The following QTRT2 variants were observed in gnomAD, a reference collection of about 807,000 sequenced individuals.
The protein encoded by QTRT2 is queuine tRNA-ribosyltransferase accessory subunit 2, also known as queuine tRNA-ribosyltransferase domain containing 1.
A neutral mutation model predicts 44.8 loss-of-function variants in QTRT2; 32 were observed. The observed-to-expected ratio is 0.71, with a 90% CI of 0.54 to 0.96. The LOEUF is 0.96. QTRT2 is among the 40% of genes least tolerant of loss of function. The pLI is 0.00. For synonymous variants in QTRT2, 182 were observed against 187.4 expected (o/e 0.97, Z 0.24); for missense variants, 461 against 503.1 (o/e 0.92, Z 0.80).
At chr3:114,068,287 C>G (rs2076980622) in intron 5 of QTRT2, 1 of 394,122 alleles carries the variant, frequency 2.5e-6, no homozygotes, top group Non-Finnish European at 4.7e-6. Flanking sequence ...TTCATTGTTG[C>G]AAAAAAATTT....
chr3:114,083,065 G>T (rs2077187661), intron 9 of QTRT2: 1 of 404,360 alleles, frequency 2.5e-6, no homozygotes, highest in Non-Finnish European at 4.6e-6. Flanking sequence ...TTGGCGTCTT[G>T]TATTCCTTTA....
chr3:114,066,174 G>A, intron 3 of QTRT2, 54 bp from the exon 4 acceptor site: 4 of 1,293,034 alleles, frequency 3.1e-6, no homozygotes, highest in Admixed American at 1.7e-5. Context: ...GTTGTACAGA[G>A]TATTTACAGA....
intron 8 of QTRT2, 101 bp downstream of exon 8, chr3:114,080,158 T>A (rs2077149224): frequency 1.1e-6 from 1 of 943,768 alleles, no homozygotes. Context: ...ATAAAGCCAG[T>A]CTTTTACAAA....
intron 2 of QTRT2, among the ~76,000 whole-genome samples, chr3:114,059,464 G>T (rs1473182998): frequency 6.6e-6 from 1 of 152,214 alleles, no homozygotes; most frequent in African/African-American, 2.4e-5. Flanking sequence ...ATGTGTATGT[G>T]TGTGTACTAT....
In QTRT2 at chr3:114,066,246, C is replaced by A; in HGVS notation, c.219C>A (p.Val73=). ...CTTACAGAGCAGAACATCATGAAGT[C>A]TTGACAGAATATAAAGAAGGAGTTG... ...TLSSLAEHHE[V]LTEYKEGVGK... Residue 73 remains valine (V), a synonymous_variant, in exon 4 of 10, where the codon GTC becomes GTA. Transcript: ENST00000281273. 6.2e-7 allele frequency: 1 copy of A among 1,605,398 alleles called. No individual in the cohort carries two copies. Among genetic ancestry groups the A allele is most frequent in the South Asian group, 1.1e-5 (1 of 90,876 alleles).
At position 114,066,304 on chromosome 3, in the gene QTRT2, A is replaced by G. The variant is rs551428219; in HGVS notation, c.256+21A>G. ...TATAGGTAAAAATTAAGTTACTTAT[A>G]TGTGCCTTGTGATGTGTTAATTTGG... On this transcript the variant is annotated intron_variant, in intron 4 of 9. Transcript: ENST00000281273. 1.9e-5 allele frequency: 22 copies of G among 1,131,670 alleles called. No homozygotes were observed. In the South Asian group the frequency reaches 3.0e-4, roughly 15 times the overall value. 70.1% of individuals were successfully genotyped at this position (1,131,670 alleles called of 1,614,324 possible).
intron 2 of QTRT2, among the ~76,000 whole-genome samples, chr3:114,060,380 GTTGT>G (rs2076864376): frequency 6.6e-6 from 1 of 152,136 alleles, no homozygotes; most frequent in Non-Finnish European, 1.5e-5. Flanking sequence ...TCTGAGATTG[GTTGT>G]TTGGTCATCT....
intron 2 of QTRT2, among the ~76,000 whole-genome samples, chr3:114,057,745 GTATAA>G (rs1178078701): frequency 6.6e-6 from 1 of 152,146 alleles, no homozygotes; most frequent in Non-Finnish European, 1.5e-5. Context: ...ATATATTATA[GTATAA>G]TATGTTTCCA....
chr3:114,085,596 C>A (rs892655307), intron 9 of QTRT2, 77 bp from the exon 10 acceptor site: 1 of 1,221,424 alleles, frequency 8.2e-7, no homozygotes, highest in Non-Finnish European at 1.2e-6. Context: ...GTAACTTTAC[C>A]AGCAGAATAG....
In QTRT2 at chr3:114,076,929, G is replaced by C; in HGVS notation, c.733G>C (p.Glu245Gln). The C allele has an allele frequency of 1.2e-6, 2 of 1,614,080 alleles. No individual in the cohort carries two copies. The highest frequency in any genetic ancestry group is 2.2e-5 in the South Asian group (2 of 91,084). Residue 245 changes from glutamate to glutamine, a missense_variant, in exon 7 of 10, where the codon GAG becomes CAG. Glu to Gln is a conservative substitution (Grantham distance 29, BLOSUM62 2). Transcript: ENST00000281273. Reference protein sequence around the residue: ...LLSSVTAELPEDKPRLISGVS... With the variant: ...LLSSVTAELPQDKPRLISGVS... ...GTCATCAGTCACTGCAGAGCTGCCG[G>C]AGGACAAGCCAAGGCCAGTGTTCGG...
intron 2 of QTRT2, among the ~76,000 whole-genome samples, chr3:114,060,496 GTAGATAGATAGATAGATAGATAGATAGA>G (rs71146305): frequency 2.8e-5 from 4 of 144,450 alleles, no homozygotes; most frequent in Non-Finnish European, 6.0e-5. Flanking sequence ...AGGTAGGTAG[GTAGATAGATAGATAGATAGATAGATAGA>G]TAGATAGATA....
intron 6 of QTRT2, among the ~76,000 whole-genome samples, chr3:114,075,254 C>A (rs921214833): frequency 6.6e-6 from 1 of 152,092 alleles, no homozygotes; most frequent in Admixed American, 6.5e-5. Context: ...AATGGTATCT[C>A]GTTGTTTCCA....
chr3:114,081,029 T>C (rs1236187981), intron 8 of QTRT2, among the ~76,000 whole-genome samples: 1 of 152,150 alleles, frequency 6.6e-6, no homozygotes, highest in African/African-American at 2.4e-5. Flanking sequence ...CACTATAAAT[T>C]TTCACATCTT....
At position 114,070,746 on chromosome 3, in the gene QTRT2, A is replaced by G; in HGVS notation, c.454A>G (p.Lys152Glu). 2 of 1,614,042 alleles carry G rather than the reference A, an allele frequency of 1.2e-6. No individual in the cohort carries two copies. Among genetic ancestry groups the G allele is most frequent in the South Asian group, 1.1e-5 (1 of 91,086 alleles). The change falls in exon 6 of 10, where the codon AAG becomes GAG. Residue 152 changes from lysine to glutamate, a missense_variant. Physicochemically the swap from Lys to Glu is moderately conservative, Grantham distance 56 (BLOSUM62 1). Transcript: ENST00000281273. The part of the protein sequence containing the change: ...QCLSDGEVSC[K>E]EATSIKRVRK... ...CCTCTCCGATGGAGAAGTATCTTGT[A>G]AGGAAGCAACTTCCATAAAAAGGGT...
At chr3:114,083,314 C>CTGTTGT (rs56306334) in intron 9 of QTRT2, among the ~76,000 whole-genome samples, 79 of 150,304 alleles carry the variant, frequency 5.3e-4, no homozygotes, top group South Asian at 1.3e-3. Flanking sequence ...GTTGCTGCTG[C>CTGTTGT]TGTTGTTGTT....
In QTRT2 at chr3:114,087,724, C is replaced by G. The variant is rs945923408; in HGVS notation, c.*1820C>G. 4 of 152,230 alleles carry G rather than the reference C, an allele frequency of 2.6e-5. No homozygotes were observed. Among genetic ancestry groups the G allele is most frequent in the Non-Finnish European group, 5.9e-5 (4 of 68,226 alleles). The allele number at this position is 152,230 out of a possible 1,614,324, so 9.4% of individuals were successfully genotyped here. A position where few individuals can be genotyped will look rare whatever the true frequency, so the allele number is the denominator to read the frequency against. Reference sequence around the variant, plus strand: ...GCATCTGCTTGGTTTCTGGGGAGGCCTCCGGAAGCTTATAGTCATGACAGA... The same window carrying G: ...GCATCTGCTTGGTTTCTGGGGAGGCGTCCGGAAGCTTATAGTCATGACAGA... On this transcript the variant is annotated 3_prime_UTR_variant, in exon 10 of 10. Coordinates refer to ENST00000281273, the MANE Select transcript of QTRT2 (RefSeq NM_024638.4).
In QTRT2 at chr3:114,065,516, G is replaced by A. The variant is rs576113411; in HGVS notation, c.200+59G>A. On this transcript the variant is annotated intron_variant, in intron 3 of 9. Coordinates refer to ENST00000281273, the MANE Select transcript of QTRT2 (RefSeq NM_024638.4). ...TGTGGCAGCAGCTTAGTTACCTTAG[G>A]TGCAAAAAAGAGAAATATTTTTTTT... is the stretch of plus-strand genomic sequence containing the variant. The A allele has an allele frequency of 2.8e-4, 357 of 1,271,688 alleles. 3 individuals are homozygous for A. The African/African-American group carries it at 4.7e-3, about 17-fold the overall frequency. 78.8% of individuals were successfully genotyped at this position (1,271,688 alleles called of 1,614,324 possible). A position where few individuals can be genotyped will look rare whatever the true frequency, so the allele number is the denominator to read the frequency against.
intron 9 of QTRT2, 65 bp from the exon 10 acceptor site, chr3:114,085,608 T>C: frequency 7.6e-7 from 1 of 1,320,584 alleles, no homozygotes; most frequent in Non-Finnish European, 1.1e-6. Context: ...GCAGAATAGA[T>C]AGCTGAGGTT....
Position 114,087,119 on chromosome 3 carries a change from C to G in QTRT2, c.*1215C>G, listed in dbSNP as rs1271943222. The G allele has an allele frequency of 6.6e-6, 1 of 152,156 alleles. No individual in the cohort carries two copies. Among genetic ancestry groups the G allele is most frequent in the Non-Finnish European group, 1.5e-5 (1 of 68,032 alleles). 9.4% of individuals were successfully genotyped at this position (152,156 alleles called of 1,614,324 possible). On this transcript the variant is annotated 3_prime_UTR_variant, in exon 10 of 10. Transcript: ENST00000281273. ...TTTCTATAAGGAATACACATACACC[C>G]ACATGCACACACCATAGTTTTTATA...
Sources: gnomAD v4.1 joint callset for allele counts (sites outside exome capture counted in the v4.1 genomes callset) on GRCh38, gnomAD v4.1.1 for gene constraint, MANE v1.5 for transcripts, NCBI Gene and HGNC (gene_info 2026-07-23, HGNC 2026-07-21) for gene names.